Variants in LRRK2 observed in about 807,000 individuals in gnomAD.
LRRK2 encodes leucine rich repeat kinase 2, also known as leucine-rich repeat serine/threonine-protein kinase 2.
Under a neutral mutation model 302.6 loss-of-function variants are expected in LRRK2, and 203 were observed. That is an observed-to-expected ratio of 0.67 (90% confidence interval 0.60 to 0.75). The LOEUF (loss-of-function observed/expected upper bound fraction) is 0.75, where lower values mean the gene tolerates loss of function less well. Ranked by LOEUF, LRRK2 falls within the 30% of genes least tolerant of loss-of-function variation. LRRK2 has a pLI of 0.00. For missense variants in LRRK2, 2,830 were observed against 2,951.0 expected, an observed-to-expected ratio of 0.96 and a Z score of 0.95; for synonymous variants, 1,066 against 1,031.9, an observed-to-expected ratio of 1.03 and a Z score of -0.63.
rs778418727 is a variant in LRRK2, at chr12:40,320,145, T to C, written c.4985T>C (p.Ile1662Thr). 2.5e-6 allele frequency: 4 copies of C among 1,612,012 alleles called. No homozygotes were observed. The highest frequency in any genetic ancestry group is 1.7e-5 in the Admixed American group (1 of 59,810). Residue 1662 changes from isoleucine (I) to threonine (T), a missense_variant, in exon 34 of 51, where the codon ATA (isoleucine) becomes ACA (threonine). Ile to Thr is a moderately conservative substitution (Grantham distance 89). Around this residue, in one of 3 missense-constraint regions of LRRK2, gnomAD observed 2,121 missense variants for 2,148.0 expected, o/e 0.99. Coordinates refer to ENST00000298910, the MANE Select transcript of LRRK2 (RefSeq NM_198578.4). ...GAAAAATTCCAGATTGCTTTGCCAATAGGAGAAGAATATTTGCTGGTTCCA... is the reference window on the plus strand; with the variant it reads ...GAAAAATTCCAGATTGCTTTGCCAACAGGAGAAGAATATTTGCTGGTTCCA... ...LLEKFQIALP[I>T]GEEYLLVPSS...
rs910675307 is a variant in LRRK2, at chr12:40,294,849, C to G, written c.2813C>G (p.Pro938Arg). 6.6e-7 allele frequency: 1 copy of G among 1,521,354 alleles called. No individual in the cohort carries two copies. The highest frequency in any genetic ancestry group is 1.7e-5 in the Admixed American group (1 of 59,388). The allele number at this position is 1,521,354 out of a possible 1,614,324, so 94.2% of individuals were successfully genotyped here. ...NLQRHSNSLGPIFDHEDLLKR... is the reference protein window; with the variant it reads ...NLQRHSNSLGRIFDHEDLLKR... ...TTATAAATTATTTTTTAATAGGGGCCCATTTTTGATCATGAAGATTTACTG... is the reference window on the plus strand; with the variant it reads ...TTATAAATTATTTTTTAATAGGGGCGCATTTTTGATCATGAAGATTTACTG... The change falls in exon 22 of 51, where the codon CCC (proline) becomes CGC (arginine). Residue 938 changes from proline (P) to arginine (R), a missense_variant. Pro to Arg is a moderately radical substitution (Grantham distance 103). Coordinates refer to ENST00000298910, the MANE Select transcript of LRRK2 (RefSeq NM_198578.4).
At chr12:40,249,446 C>A (rs1942158368) in intron 7 of LRRK2, among the ~76,000 whole-genome samples, 1 of 151,446 alleles carries the variant, frequency 6.6e-6, no homozygotes, top group African/African-American at 2.4e-5. Flanking sequence ...AATATTGGGT[C>A]TTCCAAAAGA....
chr12:40,296,979 G>C (rs1944409290), intron 23 of LRRK2, among the ~76,000 whole-genome samples: 1 of 152,034 alleles, frequency 6.6e-6, no homozygotes, highest in Non-Finnish European at 1.5e-5. Flanking sequence ...TAGCCTCCAT[G>C]TCCATAACAC....
Position 40,225,616 on chromosome 12 carries a change from T to C in LRRK2, c.213T>C (p.Tyr71=), listed in dbSNP as rs767872726. Reference sequence around the variant, plus strand: ...CTCTGTTGATCGTCTTGGACTCCTATATGAGAGTCGCGAGTGTGCAGCAGG... The same window carrying C: ...CTCTGTTGATCGTCTTGGACTCCTACATGAGAGTCGCGAGTGTGCAGCAGG... ...HVPLLIVLDS[Y]MRVASVQQVG... is the part of the protein sequence containing the mutation. The change falls in exon 2 of 51, where the codon TAT becomes TAC. Residue 71 remains tyrosine (Y), a synonymous_variant. Transcript: ENST00000298910. 1.1e-5 allele frequency: 17 copies of C among 1,614,070 alleles called. No individual in the cohort carries two copies. The South Asian group carries it at 1.2e-4, about 11-fold the overall frequency.
intron 7 of LRRK2, 53 bp downstream of exon 7, chr12:40,243,734 A>G: frequency 6.7e-7 from 1 of 1,494,062 alleles, no homozygotes; most frequent in South Asian, 1.1e-5. Context: ...ACATATACAT[A>G]TAAAACATAT....
At position 40,314,147 on chromosome 12, in the gene LRRK2, A is replaced by G; in HGVS notation, c.4712A>G (p.His1571Arg). The change falls in exon 32 of 51, where the codon CAC (histidine) becomes CGC (arginine). Residue 1571 changes from histidine (H) to arginine (R), a missense_variant. Coordinates refer to ENST00000298910, the MANE Select transcript of LRRK2 (RefSeq NM_198578.4). ...CAGTTAGATGAAAATGAGCTTCCTC[A>G]CGCAGTTCACTTTCTAAATGAATCA... ...QLQLDENELP[H>R]AVHFLNESGV... 6.2e-7 allele frequency: 1 copy of G among 1,612,530 alleles called. No individual in the cohort carries two copies. Among genetic ancestry groups the G allele is most frequent in the Non-Finnish European group, 8.5e-7 (1 of 1,178,858 alleles).
chr12:40,298,254 T>C lies in LRRK2; in HGVS notation c.3108T>C (p.Ser1036=), dbSNP rs1249420334. 1 of 1,613,320 alleles carries C rather than the reference T, an allele frequency of 6.2e-7. No individual in the cohort carries two copies. The highest frequency in any genetic ancestry group is 8.5e-7 in the Non-Finnish European group (1 of 1,179,884). The part of the protein sequence containing the change: ...FPQQLCETLK[S]LTHLDLHSNK... ...TATTGTCTTTTCAGACTCTGAAGAG[T>C]TTGACACATTTGGACTTGCACAGTA... Residue 1036 remains serine, a synonymous_variant, in exon 24 of 51, where the codon AGT becomes AGC. Coordinates refer to ENST00000298910, the MANE Select transcript of LRRK2 (RefSeq NM_198578.4).
At chr12:40,305,717 C>A in intron 27 of LRRK2, 68 bp from the exon 28 acceptor site, 1 of 1,366,274 alleles carries the variant, frequency 7.3e-7, no homozygotes, top group Non-Finnish European at 1.0e-6. Flanking sequence ...TGTTTCTTAT[C>A]ACGTTTTTTG....
rs145274030 is a variant in LRRK2 at position 40,351,411 on chromosome 12, G to A, written c.6382-128G>A. 5.9e-3 allele frequency: 4,411 copies of A among 743,086 alleles called. 38 individuals are homozygous for A. The highest frequency in any genetic ancestry group is 0.017 in the South Asian group (996 of 60,114). 46.0% of individuals were successfully genotyped at this position (743,086 alleles called of 1,614,324 possible). A position where few individuals can be genotyped will look rare whatever the true frequency, so the allele number is the denominator to read the frequency against. ...TTAGATTACTAATCTTGGTGATCTAGTTGGGTTCCAGTTTAACAGTTTTAG... is the reference window on the plus strand; with the variant it reads ...TTAGATTACTAATCTTGGTGATCTAATTGGGTTCCAGTTTAACAGTTTTAG... On this transcript the variant is annotated intron_variant, in intron 43 of 50. Coordinates refer to ENST00000298910, the MANE Select transcript of LRRK2 (RefSeq NM_198578.4).
chr12:40,299,899 A>C (rs1401654801), intron 25 of LRRK2, among the ~76,000 whole-genome samples: 1 of 152,256 alleles, frequency 6.6e-6, no homozygotes, highest in African/African-American at 2.4e-5. Flanking sequence ...TTTCCTGTGT[A>C]TCTAAAGCTG....
At chr12:40,334,022 G>A (rs569088376) in intron 39 of LRRK2, among the ~76,000 whole-genome samples, 3 of 152,212 alleles carry the variant, frequency 2.0e-5, no homozygotes, top group South Asian at 2.1e-4. Flanking sequence ...AAGGGAAATG[G>A]GAAGTCATTA....
chr12:40,367,556 A>G lies in LRRK2; in HGVS notation c.7463-88A>G, dbSNP rs4768238. On this transcript the variant is annotated intron_variant, in intron 50 of 50. Transcript: ENST00000298910. Reference sequence around the variant, plus strand: ...TTTATATTTACATTTATCTAAGTCAACTAAAAATACATGAGCCAAACTGAA... The same window carrying G: ...TTTATATTTACATTTATCTAAGTCAGCTAAAAATACATGAGCCAAACTGAA... The G allele has an allele frequency of 0.87, 1,152,080 of 1,330,690 alleles. 499,723 individuals are homozygous for G. Among genetic ancestry groups the G allele is most frequent in the Middle Eastern group, 0.89 (3,964 of 4,446 alleles). 82.4% of individuals were successfully genotyped at this position (1,330,690 alleles called of 1,614,324 possible).
chr12:40,328,936 T>C (rs1945631255), intron 39 of LRRK2, among the ~76,000 whole-genome samples: 1 of 152,228 alleles, frequency 6.6e-6, no homozygotes, highest in Non-Finnish European at 1.5e-5. Flanking sequence ...TTCTGTTTTC[T>C]TCAGAGTATT....
At position 40,313,880 on chromosome 12, in the gene LRRK2, T is replaced by A. The variant is rs918980604; in HGVS notation, c.4537-92T>A. On this transcript the variant is annotated intron_variant, in intron 31 of 50. Coordinates refer to ENST00000298910, the MANE Select transcript of LRRK2 (RefSeq NM_198578.4). ...TGTACTTCTGAATAATATATCTGTT[T>A]CTGTAAAAACTGTTAGCACTGAATT... 12 of 944,758 alleles carry A rather than the reference T, an allele frequency of 1.3e-5. No individual in the cohort carries two copies. In the South Asian group the frequency reaches 1.7e-4, roughly 13 times the overall value. 58.5% of individuals were successfully genotyped at this position (944,758 alleles called of 1,614,324 possible).
chr12:40,298,812 TA>T (rs56786016), intron 24 of LRRK2, among the ~76,000 whole-genome samples: 7 of 105,718 alleles, frequency 6.6e-5, no homozygotes, highest in South Asian at 6.4e-4. Context: ...ATATGTATTA[TA>T]ATATATAATA....
chr12:40,360,693 G>A (rs1182188339), intron 47 of LRRK2, among the ~76,000 whole-genome samples: 2 of 152,114 alleles, frequency 1.3e-5, no homozygotes, highest in Non-Finnish European at 2.9e-5. Context: ...CCTTAAGACA[G>A]CCTACTGGGC....
At chr12:40,298,074 G>T (rs1444078806) in intron 23 of LRRK2, among the ~76,000 whole-genome samples, 169 bp from the exon 24 acceptor site, 1 of 151,910 alleles carries the variant, frequency 6.6e-6, no homozygotes, top group African/African-American at 2.4e-5. Flanking sequence ...GCTACAAGCA[G>T]AGACGATTGG....
intron 18 of LRRK2, among the ~76,000 whole-genome samples, chr12:40,282,779 G>GA (rs1182601179): frequency 1.3e-5 from 2 of 152,106 alleles, no homozygotes; most frequent in Non-Finnish European, 2.9e-5. Flanking sequence ...AAATCCCTTG[G>GA]AAACACTTTA....
At chr12:40,293,773 T>G (rs1274855128) in intron 21 of LRRK2, 110 bp downstream of exon 21, 1 of 716,304 alleles carries the variant, frequency 1.4e-6, no homozygotes, top group African/African-American at 1.8e-5. Context: ...TTCCCTGATG[T>G]ATGAAAACTA....
Sources: gnomAD v4.1 joint callset for allele counts (sites outside exome capture counted in the v4.1 genomes callset) on GRCh38, gnomAD v4.1.1 for gene constraint, gnomAD v4.1.1 regional missense constraint, MANE v1.5 for transcripts, NCBI Gene and HGNC (gene_info 2026-07-23, HGNC 2026-07-21) for gene names.